KIF5C: variants seen among roughly 807,000 people sequenced by gnomAD.
KIF5C encodes the protein kinesin family member 5C.
KIF5C carries 18 observed loss-of-function variants against 125.2 expected under a neutral mutation model. That is an observed-to-expected ratio of 0.14 (90% CI 0.10 to 0.21). KIF5C has a LOEUF of 0.21. Ranked by LOEUF, KIF5C falls within the 10% of genes least tolerant of loss-of-function variation. The pLI, the probability that KIF5C is intolerant of heterozygous loss-of-function variation, is 1.00. For missense variants in KIF5C, 780 were observed against 1,183.8 expected (o/e 0.66, Z 5.01); for synonymous variants, 405 against 434.0 (o/e 0.93, Z 0.83).
chr2:148,941,947 A>G lies in KIF5C; in HGVS notation c.458A>G (p.Asn153Ser). Residue 153 changes from asparagine (N) to serine (S), a missense_variant, in exon 6 of 26, where the codon AAC becomes AGC. Around this residue, in one of 2 missense-constraint regions of KIF5C, gnomAD observed 207 missense variants for 441.2 expected, o/e 0.47. Coordinates refer to ENST00000435030, the MANE Select transcript of KIF5C (RefSeq NM_004522.3). Reference sequence around the variant, plus strand: ...CTCATCTTTTTAGTATCCAAGACCAACTTGGCTGTTCATGAAGATAAAAAC... The same window carrying G: ...CTCATCTTTTTAGTATCCAAGACCAGCTTGGCTGTTCATGAAGATAAAAAC... The part of the protein sequence containing the change: ...IRDLLDVSKT[N>S]LAVHEDKNRV... The G allele has an allele frequency of 6.2e-7, 1 of 1,612,320 alleles. No homozygotes were observed. The highest frequency in any genetic ancestry group is 1.1e-5 in the South Asian group (1 of 90,186).
Position 148,875,576 on chromosome 2 carries a change from C to CG in KIF5C, c.-42_-41insG. The CG allele has an allele frequency of 1.8e-6, 1 of 549,558 alleles. No individual in the cohort carries two copies. The highest frequency in any genetic ancestry group is 3.4e-6 in the Non-Finnish European group (1 of 291,390). The allele number at this position is 549,558 out of a possible 1,614,324, so 34.0% of individuals were successfully genotyped here. A position where few individuals can be genotyped will look rare whatever the true frequency, so the allele number is the denominator to read the frequency against. On this transcript the variant is annotated 5_prime_UTR_variant, in exon 1 of 26. Transcript: ENST00000435030. ...CCTCCCTCGTCGTTCCCGGCCCCGGCCCCCCACCCATCCCCGTGCCCCCTC... is the reference window on the plus strand; with the variant it reads ...CCTCCCTCGTCGTTCCCGGCCCCGGCGCCCCCACCCATCCCCGTGCCCCCTC...
chr2:148,983,646 G>C lies in KIF5C; in HGVS notation c.1596G>C (p.Glu532Asp). Residue 532 changes from glutamate to aspartate, a missense_variant, in exon 15 of 26, where the codon GAG (glutamate) becomes GAC (aspartate). This residue lies in a region of KIF5C where 573 missense variants were observed against 742.6 expected (regional missense o/e 0.77). Transcript: ENST00000435030. The stretch of plus-strand genomic sequence containing the variant: ...CTACATTGACAACCACACAGAGAGA[G>C]CTGAGCCAGCTACAAGAGCTTAGCA... Reference protein sequence around the residue: ...KTTTLTTTQRELSQLQELSNH... With the variant: ...KTTTLTTTQRDLSQLQELSNH... 1 of 1,600,812 alleles carries C rather than the reference G, an allele frequency of 6.2e-7. No individual in the cohort carries two copies. Among genetic ancestry groups the C allele is most frequent in the Non-Finnish European group, 8.5e-7 (1 of 1,172,076 alleles).
rs948548839 is a variant in KIF5C at position 148,957,909 on chromosome 2, A to T, written c.969-4062A>T. 3.3e-5 allele frequency among the ~76,000 whole-genome samples: 5 copies of T among 151,706 alleles called. No homozygotes were observed. In the South Asian group the frequency reaches 1.0e-3, roughly 31 times the overall value. ...GGTAATTGTCACCCTAACTTCCATC[A>T]ACATAGATTGTTATTGCCTGTCTTT... is the stretch of plus-strand genomic sequence containing the variant. On this transcript the variant is annotated intron_variant, in intron 10 of 25. Transcript: ENST00000435030.
Position 148,875,459 on chromosome 2 carries a change from G to T in KIF5C, c.-159G>T, listed in dbSNP as rs1681151454. The T allele has an allele frequency of 1.6e-6, 1 of 619,224 alleles. No individual in the cohort carries two copies. The allele number at this position is 619,224 out of a possible 1,614,324, so 38.4% of individuals were successfully genotyped here. On this transcript the variant is annotated 5_prime_UTR_variant, in exon 1 of 26. Transcript: ENST00000435030. ...TCCCGGGCTCGGAGCGGCCGGGGCT[G>T]CTCAGCCGGCCGGGCTCGCGATGAC...
At position 148,981,521 on chromosome 2, in the gene KIF5C, G is replaced by A. The variant is rs745875480; in HGVS notation, c.1529G>A (p.Arg510Gln). The change falls in exon 14 of 26, where the codon CGG becomes CAG. Residue 510 changes from arginine (R) to glutamine (Q), a missense_variant. Physicochemically the swap from Arg to Gln is conservative, Grantham distance 43. Around this residue, in one of 2 missense-constraint regions of KIF5C, gnomAD observed 573 missense variants for 742.6 expected, o/e 0.77. Transcript: ENST00000435030. The stretch of plus-strand genomic sequence containing the variant: ...TCACAGGAAGTGGAGGATAAGACCC[G>A]GGCCAATGAGCAGCTGACAGACGAG... ...QKSQEVEDKT[R>Q]ANEQLTDELA... The A allele has an allele frequency of 1.2e-5, 19 of 1,605,126 alleles. No homozygotes were observed. The highest frequency in any genetic ancestry group is 2.2e-5 in the South Asian group (2 of 89,118).
chr2:148,905,118 A>G (rs1681054761), intron 1 of KIF5C, among the ~76,000 whole-genome samples: 1 of 152,332 alleles, frequency 6.6e-6, no homozygotes, highest in South Asian at 2.1e-4. Flanking sequence ...ATAGCATGTA[A>G]TACTGATTTT....
chr2:148,962,156 G>A (rs1682942383), intron 11 of KIF5C, 37 bp downstream of exon 11: 2 of 1,532,846 alleles, frequency 1.3e-6, no homozygotes, highest in Non-Finnish European at 1.8e-6. Context: ...AGGCATGAGT[G>A]TGTGCTTTTT....
chr2:148,902,609 C>A (rs1389031220), intron 1 of KIF5C, among the ~76,000 whole-genome samples: 1 of 152,168 alleles, frequency 6.6e-6, no homozygotes, highest in African/African-American at 2.4e-5. Flanking sequence ...GAGCCACTGC[C>A]CTCGGCCCAG....
chr2:148,985,083 G>A (rs768234470), intron 15 of KIF5C, among the ~76,000 whole-genome samples: 10 of 152,096 alleles, frequency 6.6e-5, no homozygotes, highest in South Asian at 2.1e-4. Context: ...GAATACAGGC[G>A]TGAGCCACCA....
intron 12 of KIF5C, among the ~76,000 whole-genome samples, 197 bp downstream of exon 12, chr2:148,973,708 G>A (rs1284956141): frequency 1.3e-5 from 2 of 152,192 alleles, no homozygotes; most frequent in Admixed American, 6.5e-5. Context: ...GAACTTGACT[G>A]AAAAAGCAGT....
intron 7 of KIF5C, among the ~76,000 whole-genome samples, chr2:148,946,242 G>A (rs1682518298): frequency 1.3e-5 from 2 of 152,142 alleles, no homozygotes; most frequent in South Asian, 2.1e-4. Flanking sequence ...TGGTAAGATG[G>A]TTTTGAGAAA....
At chr2:148,895,999 A>T (rs138612433) in intron 1 of KIF5C, among the ~76,000 whole-genome samples, 18 of 152,306 alleles carry the variant, frequency 1.2e-4, no homozygotes, top group Middle Eastern at 3.4e-3. Context: ...CCCCAAATAC[A>T]GTCACATTGG....
chr2:148,995,308 C>G (rs1681635280), intron 17 of KIF5C, among the ~76,000 whole-genome samples: 1 of 152,208 alleles, frequency 6.6e-6, no homozygotes, highest in African/African-American at 2.4e-5. Flanking sequence ...CTAACCCTTC[C>G]ATGGCATCCT....
Position 149,008,033 on chromosome 2 carries a change from A to G in KIF5C, c.2516A>G (p.Asn839Ser). 6.2e-7 allele frequency: 1 copy of G among 1,612,534 alleles called. No homozygotes were observed. Among genetic ancestry groups the G allele is most frequent in the Non-Finnish European group, 8.5e-7 (1 of 1,178,898 alleles). ...AQKQKISFLE[N>S]NLEQLTKVHK... ...AAGCAGAAAATTTCCTTCTTGGAGA[A>G]TAACCTGGAGCAGCTCACCAAAGTT... The change falls in exon 23 of 26, where the codon AAT becomes AGT. Residue 839 changes from asparagine to serine, a missense_variant. This residue lies in a region of KIF5C where 573 missense variants were observed against 742.6 expected (regional missense o/e 0.77). Coordinates refer to ENST00000435030, the MANE Select transcript of KIF5C (RefSeq NM_004522.3).
At chr2:149,021,312 G>T (rs965641241) in intron 25 of KIF5C, among the ~76,000 whole-genome samples, 1 of 152,036 alleles carries the variant, frequency 6.6e-6, no homozygotes, top group African/African-American at 2.4e-5. Context: ...ATCCACCCGC[G>T]TTGGCCTCCC....
At chr2:148,960,469 G>A (rs1267847405) in intron 10 of KIF5C, among the ~76,000 whole-genome samples, 1 of 152,186 alleles carries the variant, frequency 6.6e-6, no homozygotes, top group Non-Finnish European at 1.5e-5. Context: ...GGAGAGGTGA[G>A]AGTGTCAAAC....
chr2:148,922,356 C>T (rs1038014628), intron 2 of KIF5C, 129 bp downstream of exon 2: 1 of 567,920 alleles, frequency 1.8e-6, no homozygotes, highest in African/African-American at 1.9e-5. Flanking sequence ...ACACTGAATT[C>T]TATAGCCTCG....
intron 13 of KIF5C, among the ~76,000 whole-genome samples, 164 bp downstream of exon 13, chr2:148,979,154 T>C (rs776068293): frequency 2.8e-4 from 42 of 152,234 alleles, no homozygotes; most frequent in Non-Finnish European, 5.0e-4. Flanking sequence ...AAGCTGATTA[T>C]CACTGAATTT....
chr2:148,911,538 G>A (rs1681338448), intron 1 of KIF5C, among the ~76,000 whole-genome samples: 1 of 152,154 alleles, frequency 6.6e-6, no homozygotes, highest in South Asian at 2.1e-4. Flanking sequence ...GTGATGGGAG[G>A]GGTAAGGAAG....
Sources: allele counts gnomAD v4.1 joint callset (sites outside exome capture counted in the v4.1 genomes callset), GRCh38; gene constraint gnomAD v4.1.1; regional missense constraint gnomAD v4.1.1; transcripts MANE v1.5; gene names NCBI Gene and HGNC (gene_info 2026-07-23, HGNC 2026-07-21).